The following COL7A1 variants were observed in gnomAD, a reference collection of about 807,000 sequenced individuals.
The protein encoded by COL7A1 is collagen type VII alpha 1 chain.
In COL7A1, 296 loss-of-function variants were observed where a neutral mutation model predicts 456.2. The observed-to-expected ratio is 0.65, with a 90% CI of 0.59 to 0.71. The LOEUF (loss-of-function observed/expected upper bound fraction) is 0.71, where lower values mean the gene tolerates loss of function less well. Among genes scored for constraint, COL7A1 ranks in the 30% least tolerant of loss-of-function variants. The pLI is 0.00. For missense variants in COL7A1, 3,441 were observed against 4,017.2 expected, an observed-to-expected ratio of 0.86 and a Z score of 3.88; for synonymous variants, 1,464 against 1,525.9, an observed-to-expected ratio of 0.96 and a Z score of 0.95.
In COL7A1 at chr3:48,567,798, C is replaced by T; in HGVS notation, c.7930-35G>A. 6.2e-7 allele frequency: 1 copy of T among 1,614,158 alleles called. No individual in the cohort carries two copies. Among genetic ancestry groups the T allele is most frequent in the Non-Finnish European group, 8.5e-7 (1 of 1,180,028 alleles). ...TCAGGCAGTGGGGTGAGCCTTAGGCCCCAGGCCACGTAGCCCCCCAGCCCC... is the reference window on the plus strand; with the variant it reads ...TCAGGCAGTGGGGTGAGCCTTAGGCTCCAGGCCACGTAGCCCCCCAGCCCC... On this transcript the variant is annotated intron_variant, in intron 107 of 118. Transcript: ENST00000681320. This position sits in a 1 kb window ranked among gnomAD's most constrained non-coding sequence, Gnocchi z 4.3.
rs778732630 is a variant in COL7A1 at position 48,574,222 on chromosome 3, G to A, written c.6501+40C>T. 1.9e-6 allele frequency: 3 copies of A among 1,612,542 alleles called. No individual in the cohort carries two copies. Among genetic ancestry groups the A allele is most frequent in the Non-Finnish European group, 2.5e-6 (3 of 1,179,084 alleles). ...ACAGCAGCAGCAGCACCTAGCGGAGGGTCCGGAGCCTGGGGCCAGGTGCTT... is the reference window on the plus strand; with the variant it reads ...ACAGCAGCAGCAGCACCTAGCGGAGAGTCCGGAGCCTGGGGCCAGGTGCTT... On this transcript the variant is annotated intron_variant, in intron 80 of 118. Coordinates refer to ENST00000681320, the MANE Select transcript of COL7A1 (RefSeq NM_000094.4). This position sits in a 1 kb window ranked among gnomAD's most constrained non-coding sequence, Gnocchi z 5.0.
chr3:48,569,071 C>T lies in COL7A1; in HGVS notation c.7687-216G>A, dbSNP rs191235122. Among the ~76,000 whole-genome samples the T allele has an allele frequency of 4.2e-4, 64 of 152,206 alleles. No homozygotes were observed. The highest frequency in any genetic ancestry group is 1.4e-3 in the African/African-American group (59 of 41,506). The stretch of plus-strand genomic sequence containing the variant: ...AAGGACTCCAGACCCTTGCCCCGCC[C>T]TCTTATCACTGGGTTCCTCATCCCA... On this transcript the variant is annotated intron_variant, in intron 103 of 118. Transcript: ENST00000681320. The surrounding 1 kb of genome is among the most constrained non-coding windows in gnomAD (Gnocchi z 4.9).
Position 48,591,710 on chromosome 3 carries a change from G to T in COL7A1, c.1470C>A (p.Gly490=). 2 of 1,614,120 alleles carry T rather than the reference G, an allele frequency of 1.2e-6. No individual in the cohort carries two copies. Residue 490 remains glycine, a synonymous_variant, in exon 12 of 119, where the codon GGC becomes GGA. Coordinates refer to ENST00000681320, the MANE Select transcript of COL7A1 (RefSeq NM_000094.4). The surrounding 1 kb of genome is among the most constrained non-coding windows in gnomAD (Gnocchi z 7.0). ...CGGTTGCAGGGGTGGCCACCTCGTG[G>T]CCCTCCAGCAGAGTGTAGAGTGTGA... is the stretch of plus-strand genomic sequence containing the variant. ...YRLTLYTLLE[G]HEVATPATVV...
chr3:48,588,088 G>C lies in COL7A1; in HGVS notation c.2711-149C>G. Reference sequence around the variant, plus strand: ...TCCTCACTGACCCTGCCCACTTTACGGACCCTGCCAGACTGACCCTCCATG... The same window carrying C: ...TCCTCACTGACCCTGCCCACTTTACCGACCCTGCCAGACTGACCCTCCATG... On this transcript the variant is annotated intron_variant, in intron 21 of 118. Transcript: ENST00000681320. This position sits in a 1 kb window ranked among gnomAD's most constrained non-coding sequence, Gnocchi z 4.6. The C allele has an allele frequency of 7.6e-7, 1 of 1,311,258 alleles. No homozygotes were observed. The highest frequency in any genetic ancestry group is 1.1e-6 in the Non-Finnish European group (1 of 951,568). The allele number at this position is 1,311,258 out of a possible 1,614,324, so 81.2% of individuals were successfully genotyped here.
chr3:48,573,860 G>A lies in COL7A1; in HGVS notation c.6532C>T (p.Pro2178Ser). Residue 2178 changes from proline to serine, a missense_variant, in exon 81 of 119, where the codon CCA (proline) becomes TCA (serine). By Grantham distance (74) the Pro-to-Ser change is moderately conservative (BLOSUM62 -1). Coordinates refer to ENST00000681320, the MANE Select transcript of COL7A1 (RefSeq NM_000094.4). The surrounding 1 kb of genome is among the most constrained non-coding windows in gnomAD (Gnocchi z 5.5). ...GAAGGTTCTTGGGTACTCACCACTG[G>A]GCCAGGGGGGCCTCTTGGACCCTGC... Reference protein sequence around the residue: ...GLQGPRGPPGPVGGHGDPGPP... With the variant: ...GLQGPRGPPGSVGGHGDPGPP... 6.2e-7 allele frequency: 1 copy of A among 1,613,968 alleles called. No individual in the cohort carries two copies. Among genetic ancestry groups the A allele is most frequent in the Non-Finnish European group, 8.5e-7 (1 of 1,180,000 alleles).
chr3:48,587,755 C>T lies in COL7A1; in HGVS notation c.2857+38G>A. ...GGTGCAGGAAGTCAGGGTGGGTCAT[C>T]AGCAGGGGAGGAGCACGCCAAGGTG... On this transcript the variant is annotated intron_variant, in intron 22 of 118. Transcript: ENST00000681320. The surrounding 1 kb of genome is among the most constrained non-coding windows in gnomAD (Gnocchi z 6.1). The T allele has an allele frequency of 6.2e-7, 1 of 1,613,360 alleles. No individual in the cohort carries two copies. The highest frequency in any genetic ancestry group is 8.5e-7 in the Non-Finnish European group (1 of 1,179,954).
chr3:48,589,222 G>A, intron 18 of COL7A1, 105 bp downstream of exon 18: 5 of 1,554,042 alleles, frequency 3.2e-6, no homozygotes, highest in Non-Finnish European at 4.4e-6. Context: ...GTGTGGACAG[G>A]ACAGTCACTG....
chr3:48,593,740 C>T lies in COL7A1; in HGVS notation c.267-44G>A. On this transcript the variant is annotated intron_variant, in intron 3 of 118. Transcript: ENST00000681320. The surrounding 1 kb of genome is among the most constrained non-coding windows in gnomAD (Gnocchi z 4.4). ...GGCAACAGGCTAGGACTCAGGATCT[C>T]TTCTGGCCCTGGCCTTGAGGAGGCC... The T allele has an allele frequency of 1.2e-6, 2 of 1,613,594 alleles. No homozygotes were observed. Among genetic ancestry groups the T allele is most frequent in the Non-Finnish European group, 1.7e-6 (2 of 1,179,556 alleles).
Position 48,571,907 on chromosome 3 carries a change from G to A in COL7A1, c.7068+94C>T, listed in dbSNP as rs1400214586. 29 of 1,468,374 alleles carry A rather than the reference G, an allele frequency of 2.0e-5. No homozygotes were observed. The highest frequency in any genetic ancestry group is 2.7e-5 in the Non-Finnish European group (29 of 1,067,730). 91.0% of individuals were successfully genotyped at this position (1,468,374 alleles called of 1,614,324 possible). On this transcript the variant is annotated intron_variant, in intron 92 of 118. Coordinates refer to ENST00000681320, the MANE Select transcript of COL7A1 (RefSeq NM_000094.4). This position sits in a 1 kb window ranked among gnomAD's most constrained non-coding sequence, Gnocchi z 4.6. Reference sequence around the variant, plus strand: ...GTTGGGACATGCAGCCCGACTCAGGGGCTCAGACATGTGCCCCGGCCCAAG... The same window carrying A: ...GTTGGGACATGCAGCCCGACTCAGGAGCTCAGACATGTGCCCCGGCCCAAG...
Position 48,566,546 on chromosome 3 carries a change from G to T in COL7A1, c.8322C>A (p.Ala2774=), listed in dbSNP as rs142948995. The T allele has an allele frequency of 1.2e-6, 2 of 1,608,774 alleles. No individual in the cohort carries two copies. The highest frequency in any genetic ancestry group is 2.7e-5 in the African/African-American group (2 of 74,706). ...ERGEQGRPGP[A]GPRGEKGEAA... ...CTTCTCCCTTCTCGCCTCGAGGACC[G>T]GCAGGCCCTGGCCGCCCCTATGTGC... The change falls in exon 113 of 119, where the codon GCC becomes GCA. Residue 2774 remains alanine (A), a synonymous_variant. Transcript: ENST00000681320. The surrounding 1 kb of genome is among the most constrained non-coding windows in gnomAD (Gnocchi z 5.9).
chr3:48,589,418 A>G lies in COL7A1; in HGVS notation c.2223T>C (p.Asp741=), dbSNP rs2107772745. Residue 741 remains aspartate (D), a synonymous_variant, in exon 18 of 119, where the codon GAT becomes GAC. Coordinates refer to ENST00000681320, the MANE Select transcript of COL7A1 (RefSeq NM_000094.4). ...VSGEATVAEL[D]GLEPDTEYTV... ...TATACTCAGTATCTGGCTCCAGTCC[A>G]TCCAGCTCAGCCACCGTGGCCTCCC... 3 of 1,613,730 alleles carry G rather than the reference A, an allele frequency of 1.9e-6. No individual in the cohort carries two copies. Among genetic ancestry groups the G allele is most frequent in the Non-Finnish European group, 2.5e-6 (3 of 1,180,008 alleles).
chr3:48,564,244 G>A lies in COL7A1; in HGVS notation c.*162C>T, dbSNP rs545650545. 1.8e-3 allele frequency: 1,539 copies of A among 847,306 alleles called. 5 individuals carry two copies. Among genetic ancestry groups the A allele is most frequent in the Non-Finnish European group, 2.3e-3 (1,193 of 515,022 alleles). 52.5% of individuals were successfully genotyped at this position (847,306 alleles called of 1,614,324 possible). A position where few individuals can be genotyped will look rare whatever the true frequency, so the allele number is the denominator to read the frequency against. The stretch of plus-strand genomic sequence containing the variant: ...AGCCACAATGGGGGTTTGTCCACAG[G>A]GGGGAAGGCTAGACCCACGGGACCA... On this transcript the variant is annotated 3_prime_UTR_variant, in exon 119 of 119. Coordinates refer to ENST00000681320, the MANE Select transcript of COL7A1 (RefSeq NM_000094.4). This position sits in a 1 kb window ranked among gnomAD's most constrained non-coding sequence, Gnocchi z 6.0.
chr3:48,565,494 G>C lies in COL7A1; in HGVS notation c.8443C>G (p.Pro2815Ala), dbSNP rs1427194432. The C allele has an allele frequency of 6.2e-7, 1 of 1,613,516 alleles. No homozygotes were observed. The highest frequency in any genetic ancestry group is 1.1e-5 in the South Asian group (1 of 90,982). ...GTGTCTGCAGCATAACTAGGGAGGGGTCCTGGAGCCAAGAGCAGGGGCCTC... is the reference window on the plus strand; with the variant it reads ...GTGTCTGCAGCATAACTAGGGAGGGCTCCTGGAGCCAAGAGCAGGGGCCTC... ...QGQFIASGSR[P>A]LPSYAADTAG... is the part of the protein sequence containing the mutation. Residue 2815 changes from proline to alanine, a missense_variant and splice_region_variant, in exon 116 of 119, where the codon CCC (proline) becomes GCC (alanine). By Grantham distance (27) the Pro-to-Ala change is conservative. This residue lies in a region of COL7A1 where 2,084 missense variants were observed against 2,501.3 expected (regional missense o/e 0.83). Transcript: ENST00000681320. The surrounding 1 kb of genome is among the most constrained non-coding windows in gnomAD (Gnocchi z 4.5).
rs2045192822 is a variant in COL7A1, at chr3:48,585,676, T to C, written c.3831+14A>G. 1.9e-6 allele frequency: 3 copies of C among 1,613,804 alleles called. No individual in the cohort carries two copies. Among genetic ancestry groups the C allele is most frequent in the East Asian group, 4.5e-5 (2 of 44,872 alleles). ...GCCAGTCAGGGTGCAGGGACAGATGTGGGGGACACTCACCGGGAGGCCAGG... is the reference window on the plus strand; with the variant it reads ...GCCAGTCAGGGTGCAGGGACAGATGCGGGGGACACTCACCGGGAGGCCAGG... On this transcript the variant is annotated intron_variant, in intron 31 of 118. Coordinates refer to ENST00000681320, the MANE Select transcript of COL7A1 (RefSeq NM_000094.4). The surrounding 1 kb of genome is among the most constrained non-coding windows in gnomAD (Gnocchi z 4.5).
At position 48,573,000 on chromosome 3, in the gene COL7A1, CCCTTGA is replaced by C. The variant is rs1397892627; in HGVS notation, c.6750+15_6750+20del. 2.5e-6 allele frequency: 4 copies of C among 1,613,940 alleles called. No individual in the cohort carries two copies. The highest frequency in any genetic ancestry group is 3.4e-6 in the Non-Finnish European group (4 of 1,180,026). ...TCGACCCTTGACCCCTGGAGCCCAA[CCCTTGA>C]CCCCCAGAACTCACCACTTGTCCAG... On this transcript the variant is annotated intron_variant, in intron 86 of 118. Coordinates refer to ENST00000681320, the MANE Select transcript of COL7A1 (RefSeq NM_000094.4). The surrounding 1 kb of genome is among the most constrained non-coding windows in gnomAD (Gnocchi z 4.6).
At position 48,581,893 on chromosome 3, in the gene COL7A1, GC is replaced by G. The variant is rs756470588; in HGVS notation, c.4668+17del. ...CTCAACCCTGTAGAAACCTCCCCTT[GC>G]CCCATACCAGGCTTACCTTTTCTCC... is the stretch of plus-strand genomic sequence containing the variant. On this transcript the variant is annotated intron_variant, in intron 48 of 118. Coordinates refer to ENST00000681320, the MANE Select transcript of COL7A1 (RefSeq NM_000094.4). The surrounding 1 kb of genome is among the most constrained non-coding windows in gnomAD (Gnocchi z 5.8). 1.2e-6 allele frequency: 2 copies of G among 1,614,026 alleles called. No individual in the cohort carries two copies. The highest frequency in any genetic ancestry group is 1.7e-6 in the Non-Finnish European group (2 of 1,180,012).
chr3:48,579,149 T>G lies in COL7A1; in HGVS notation c.5388+48A>C, dbSNP rs1323828655. On this transcript the variant is annotated intron_variant, in intron 62 of 118. Coordinates refer to ENST00000681320, the MANE Select transcript of COL7A1 (RefSeq NM_000094.4). This position sits in a 1 kb window ranked among gnomAD's most constrained non-coding sequence, Gnocchi z 4.4. ...GAGGCTGGGGTCTAGGGTCCTCATG[T>G]GAAGGGGTAGGGGAAGGGGACAACC... The G allele has an allele frequency of 1.6e-5, 25 of 1,603,130 alleles. No homozygotes were observed. In the Admixed American group the frequency reaches 3.3e-4, roughly 21 times the overall value.
chr3:48,590,797 C>A lies in COL7A1; in HGVS notation c.1656G>T (p.Val552=). The A allele has an allele frequency of 1.2e-6, 2 of 1,613,714 alleles. No homozygotes were observed. The highest frequency in any genetic ancestry group is 1.7e-6 in the Non-Finnish European group (2 of 1,180,020). The part of the protein sequence containing the change: ...RSTQGVERTL[V]LPGSQTAFDL... ...CGAATGCTGTCTGACTCCCAGGAAG[C>A]ACCAGGGTCCGCTCAACCCCTAAGA... The change falls in exon 14 of 119, where the codon GTG becomes GTT. Residue 552 remains valine (V), a synonymous_variant. Coordinates refer to ENST00000681320, the MANE Select transcript of COL7A1 (RefSeq NM_000094.4). This position sits in a 1 kb window ranked among gnomAD's most constrained non-coding sequence, Gnocchi z 4.6.
Position 48,564,955 on chromosome 3 carries a change from C to T in COL7A1, c.8646G>A (p.Glu2882=). The change falls in exon 118 of 119, where the codon GAG becomes GAA. Residue 2882 remains glutamate, a synonymous_variant. Transcript: ENST00000681320. This position sits in a 1 kb window ranked among gnomAD's most constrained non-coding sequence, Gnocchi z 6.0. Reference sequence around the variant, plus strand: ...GCAGGGTGTAGGCAGTGCAGGAGCCCTCATCCAGTGGCAGGGAACAGGGGT... The same window carrying T: ...GCAGGGTGTAGGCAGTGCAGGAGCCTTCATCCAGTGGCAGGGAACAGGGGT... The part of the protein sequence containing the change: ...SDDPCSLPLD[E]GSCTAYTLRW... 2 of 1,614,158 alleles carry T rather than the reference C, an allele frequency of 1.2e-6. No homozygotes were observed. Among genetic ancestry groups the T allele is most frequent in the Non-Finnish European group, 1.7e-6 (2 of 1,180,004 alleles).
Sources: allele counts gnomAD v4.1 joint callset (sites outside exome capture counted in the v4.1 genomes callset), GRCh38; gene constraint gnomAD v4.1.1; regional missense constraint gnomAD v4.1.1; non-coding constraint Gnocchi (gnomAD v3.1); transcripts MANE v1.5; gene names NCBI Gene and HGNC (gene_info 2026-07-23, HGNC 2026-07-21).